SCAPER: variants seen among roughly 807,000 people sequenced by gnomAD.
SCAPER encodes the protein S phase cyclin A-associated protein in the endoplasmic reticulum.
A neutral mutation model predicts 182.2 loss-of-function variants in SCAPER; 98 were observed. That is an observed-to-expected ratio of 0.54 (90% confidence interval 0.46 to 0.64). The LOEUF (loss-of-function observed/expected upper bound fraction) is 0.64. Ranked by LOEUF, SCAPER falls within the 30% of genes least tolerant of loss-of-function variation. The probability of loss-of-function intolerance (pLI) is 0.00; values close to 1 mark genes in which losing one functional copy is unlikely to be tolerated. For synonymous variants in SCAPER, 605 were observed against 564.6 expected (o/e 1.07, Z -1.01); for missense variants, 1,432 against 1,690.0 (o/e 0.85, Z 2.68).
intron 29 of SCAPER, among the ~76,000 whole-genome samples, chr15:76,369,549 A>G (rs1011433770): frequency 6.6e-5 from 10 of 152,286 alleles, no homozygotes; most frequent in Middle Eastern, 6.8e-3. Context: ...GATGGACTAG[A>G]TATCTCCCAG....
intron 21 of SCAPER, among the ~76,000 whole-genome samples, chr15:76,641,830 CTTT>C (rs113171871): frequency 6.6e-6 from 1 of 152,092 alleles, no homozygotes; most frequent in African/African-American, 2.4e-5. Flanking sequence ...AATGGACAGC[CTTT>C]TTTGAGTTGA....
chr15:76,767,168 A>G, intron 10 of SCAPER, 80 bp from the exon 11 acceptor site: 1 of 1,254,958 alleles, frequency 8.0e-7, no homozygotes, highest in Non-Finnish European at 1.1e-6. Context: ...TTCTAACATG[A>G]ACTCAACAGT....
intron 4 of SCAPER, among the ~76,000 whole-genome samples, chr15:76,846,175 C>G (rs887291220): frequency 3.9e-5 from 6 of 152,058 alleles, no homozygotes; most frequent in Non-Finnish European, 7.4e-5. Context: ...TTTCTCTCAC[C>G]ATATACAAAC....
chr15:76,804,709 A>T, intron 5 of SCAPER, 76 bp from the exon 6 acceptor site: 1 of 880,766 alleles, frequency 1.1e-6, no homozygotes, highest in Non-Finnish European at 1.7e-6. Context: ...AGAGTGAACA[A>T]CTTAAGAATT....
intron 14 of SCAPER, among the ~76,000 whole-genome samples, chr15:76,755,970 C>G (rs2062398389): frequency 1.3e-5 from 2 of 152,122 alleles, no homozygotes; most frequent in Non-Finnish European, 2.9e-5. Context: ...AAAAATTCAT[C>G]AGGCCAGGAG....
In SCAPER at chr15:76,348,580, G is replaced by T; in HGVS notation, c.*53C>A. 2 of 1,223,118 alleles carry T rather than the reference G, an allele frequency of 1.6e-6. No individual in the cohort carries two copies. Among genetic ancestry groups the T allele is most frequent in the Non-Finnish European group, 2.3e-6 (2 of 869,766 alleles). The allele number at this position is 1,223,118 out of a possible 1,614,324, so 75.8% of individuals were successfully genotyped here. ...TAAGGAACAATTAGAATGTTTGTTT[G>T]GACAATTTAAAATATTAACAAGGGT... On this transcript the variant is annotated 3_prime_UTR_variant, in exon 32 of 32. Coordinates refer to ENST00000563290, the MANE Select transcript of SCAPER (RefSeq NM_020843.4).
At chr15:76,570,002 T>C (rs1205233032) in intron 23 of SCAPER, among the ~76,000 whole-genome samples, 4 of 152,178 alleles carry the variant, frequency 2.6e-5, no homozygotes, top group Admixed American at 2.0e-4. Flanking sequence ...TTAATTACCT[T>C]ACTGTGCCAA....
At chr15:76,567,243 GAAT>G in intron 23 of SCAPER, 7 of 399,074 alleles carry the variant, frequency 1.8e-5, no homozygotes, top group South Asian at 1.3e-4. Flanking sequence ...TTTTTATGTT[GAAT>G]AATAGTCCAT....
At chr15:76,567,004 C>T (rs865868552) in intron 23 of SCAPER, among the ~76,000 whole-genome samples, 6 of 152,026 alleles carry the variant, frequency 3.9e-5, no homozygotes, top group Middle Eastern at 3.4e-3. Flanking sequence ...CACATCTCAC[C>T]CTTCTCTCTG....
intron 22 of SCAPER, among the ~76,000 whole-genome samples, chr15:76,608,825 G>C (rs550891498): frequency 2.6e-5 from 4 of 152,224 alleles, no homozygotes; most frequent in Non-Finnish European, 4.4e-5. Flanking sequence ...CTCTGAGCCA[G>C]GTGAGGGATA....
intron 20 of SCAPER, among the ~76,000 whole-genome samples, chr15:76,691,391 T>C (rs1341351999): frequency 1.3e-5 from 2 of 152,130 alleles, no homozygotes; most frequent in African/African-American, 2.4e-5. Flanking sequence ...TAATGTCTGC[T>C]CTTAAGGATA....
chr15:76,518,818 T>C (rs1320521739), intron 23 of SCAPER, among the ~76,000 whole-genome samples: 1 of 152,218 alleles, frequency 6.6e-6, no homozygotes, highest in African/African-American at 2.4e-5. Context: ...CTGTTCTCCA[T>C]CATAATGTCA....
At chr15:76,779,094 T>G (rs2063929871) in intron 8 of SCAPER, among the ~76,000 whole-genome samples, 1 of 151,708 alleles carries the variant, frequency 6.6e-6, no homozygotes, top group Non-Finnish European at 1.5e-5. Flanking sequence ...ACCAAACAAA[T>G]GAAACTGAAG....
chr15:76,628,456 G>A (rs2052790630), intron 21 of SCAPER, among the ~76,000 whole-genome samples: 1 of 152,122 alleles, frequency 6.6e-6, no homozygotes, highest in Non-Finnish European at 1.5e-5. Context: ...TTTTGTATGT[G>A]GTATAAGGAA....
intron 21 of SCAPER, among the ~76,000 whole-genome samples, chr15:76,637,280 T>G (rs867011241): frequency 6.6e-6 from 1 of 152,222 alleles, no homozygotes; most frequent in Non-Finnish European, 1.5e-5. Flanking sequence ...GCAGAATTAC[T>G]GGATCATATA....
chr15:76,735,393 T>C (rs1352946575), intron 15 of SCAPER, among the ~76,000 whole-genome samples: 1 of 151,010 alleles, frequency 6.6e-6, no homozygotes. Context: ...ACAGCAACAA[T>C]TTGGAAGAAA....
chr15:76,882,068 A>C (rs751502420), intron 2 of SCAPER, among the ~76,000 whole-genome samples: 1 of 152,148 alleles, frequency 6.6e-6, no homozygotes, highest in Non-Finnish European at 1.5e-5. Flanking sequence ...AAAATCAAAA[A>C]GAAGCTGAGG....
chr15:76,495,726 T>G (rs537602083), intron 24 of SCAPER, among the ~76,000 whole-genome samples: 1 of 152,116 alleles, frequency 6.6e-6, no homozygotes, highest in South Asian at 2.1e-4. Context: ...GGAACAAAAC[T>G]GCAACTCCAA....
At chr15:76,765,774 G>A (rs576437073) in intron 11 of SCAPER, 136 bp from the exon 12 acceptor site, 2 of 685,060 alleles carry the variant, frequency 2.9e-6, no homozygotes, top group Non-Finnish European at 4.9e-6. Context: ...CAGGAAAAAG[G>A]TACCTACCAG....
Sources: allele counts gnomAD v4.1 joint callset (sites outside exome capture counted in the v4.1 genomes callset), GRCh38; gene constraint gnomAD v4.1.1; transcripts MANE v1.5; gene names NCBI Gene and HGNC (gene_info 2026-07-23, HGNC 2026-07-21).